Variants in DHX32 observed in about 807,000 individuals in gnomAD.
DHX32 encodes the protein DEAH-box helicase 32 (putative).
Under a neutral mutation model 70.0 loss-of-function variants are expected in DHX32, and 51 were observed. The ratio of observed to expected loss-of-function variants is 0.73; its 90% CI spans 0.58 to 0.92. The LOEUF is 0.92. Among genes scored for constraint, DHX32 ranks in the 40% least tolerant of loss-of-function variants. The pLI is 0.00. For missense variants in DHX32, 762 were observed against 891.8 expected (o/e 0.85, Z 1.85); for synonymous variants, 310 against 315.3 (o/e 0.98, Z 0.18).
intron 1 of DHX32, among the ~76,000 whole-genome samples, chr10:125,891,802 C>T (rs1944372713): frequency 6.6e-6 from 1 of 152,290 alleles, no homozygotes; most frequent in South Asian, 2.1e-4. Context: ...ATTTTCAGCT[C>T]CCTTTTCTGA....
rs780550387 is a variant in DHX32 at position 125,838,205 on chromosome 10, C to T, written c.2063+1G>A. 1.3e-6 allele frequency: 2 copies of T among 1,571,770 alleles called. No individual in the cohort carries two copies. The highest frequency in any genetic ancestry group is 2.1e-5 in the Admixed American group (1 of 48,578). On this transcript the variant is annotated splice_donor_variant, in intron 10 of 10. Transcript: ENST00000284690. LOFTEE classifies it high-confidence loss of function. The stretch of plus-strand genomic sequence containing the variant: ...AACCCTTTCTTCTCCATTAAACTTA[C>T]AGTTCAGGAGAGATTTCTGAGGTAA...
intron 6 of DHX32, 60 bp downstream of exon 6, chr10:125,852,233 A>G: frequency 6.3e-7 from 1 of 1,586,060 alleles, no homozygotes; most frequent in Non-Finnish European, 8.6e-7. Flanking sequence ...AGGACAGAGA[A>G]TGGGCAGGAG....
At chr10:125,870,721 C>T (rs767042111) in intron 1 of DHX32, among the ~76,000 whole-genome samples, 9 of 152,016 alleles carry the variant, frequency 5.9e-5, no homozygotes, top group Non-Finnish European at 1.2e-4. Context: ...CCTGTAATCC[C>T]AGCTACTCGG....
At chr10:125,840,256 G>C (rs1367097501) in intron 8 of DHX32, among the ~76,000 whole-genome samples, 2 of 152,214 alleles carry the variant, frequency 1.3e-5, no homozygotes, top group Non-Finnish European at 1.5e-5. Context: ...TCCTGTGACA[G>C]GTAAGCTACC....
chr10:125,859,720 C>A lies in DHX32; in HGVS notation c.732G>T (p.Glu244Asp). The change falls in exon 3 of 11, where the codon GAG becomes GAT. Residue 244 changes from glutamate to aspartate, a missense_variant. This residue lies in a region of DHX32 where 394 missense variants were observed against 473.1 expected (regional missense o/e 0.83). Transcript: ENST00000284690. ...TTTGAGCCTCACTAAGGTACACAAC[C>A]TCCACAGGGTGTTTATTTTTCACTT... ...VIEVKNKHPV[E>D]VVYLSEAQKD... is the part of the protein sequence containing the mutation. The A allele has an allele frequency of 5.6e-6, 9 of 1,614,100 alleles. No individual in the cohort carries two copies. Among genetic ancestry groups the A allele is most frequent in the Non-Finnish European group, 7.6e-6 (9 of 1,180,008 alleles).
At chr10:125,861,272 C>T (rs1305776143) in intron 2 of DHX32, among the ~76,000 whole-genome samples, 1 of 151,354 alleles carries the variant, frequency 6.6e-6, no homozygotes, top group Non-Finnish European at 1.5e-5. Flanking sequence ...CCGAGGCAGG[C>T]GGATCACAAG....
chr10:125,852,365 T>C lies in DHX32; in HGVS notation c.1279A>G (p.Thr427Ala). 1 of 1,614,200 alleles carries C rather than the reference T, an allele frequency of 6.2e-7. No individual in the cohort carries two copies. Among genetic ancestry groups the C allele is most frequent in the Non-Finnish European group, 8.5e-7 (1 of 1,180,024 alleles). ...KPAEMQEANL[T>A]SMVLFMKRID... ...CTCTTCATAAAAAGCACCATGCTTG[T>C]TAGGTTGGCTTCCTGCATTTCTGCT... Residue 427 changes from threonine to alanine, a missense_variant, in exon 6 of 11, where the codon ACA (threonine) becomes GCA (alanine). Transcript: ENST00000284690.
At chr10:125,892,576 C>CT (rs1944377782) in intron 1 of DHX32, among the ~76,000 whole-genome samples, 1 of 146,534 alleles carries the variant, frequency 6.8e-6, no homozygotes, top group Admixed American at 6.7e-5. Context: ...TTCTCCCGGC[C>CT]TTCGTGCCTC....
At chr10:125,888,690 A>G (rs533674789) in intron 1 of DHX32, among the ~76,000 whole-genome samples, 50 of 152,410 alleles carry the variant, frequency 3.3e-4, no homozygotes, top group African/African-American at 1.2e-3. Context: ...ATCTCCTAGA[A>G]TATTCAAACA....
intron 2 of DHX32, among the ~76,000 whole-genome samples, chr10:125,865,806 G>A (rs150213739): frequency 3.3e-5 from 5 of 152,250 alleles, no homozygotes; most frequent in African/African-American, 9.6e-5. Context: ...TGGGATTATG[G>A]GCATTAGCCA....
intron 9 of DHX32, among the ~76,000 whole-genome samples, chr10:125,838,719 C>G (rs757733764): frequency 9.2e-5 from 14 of 152,272 alleles, no homozygotes; most frequent in South Asian, 2.1e-4. Flanking sequence ...GTGCTTTACA[C>G]TTGGTGTGTA....
In DHX32 at chr10:125,840,886, T is replaced by C. The variant is rs1334911508; in HGVS notation, c.1654A>G (p.Lys552Glu). 1.2e-6 allele frequency: 2 copies of C among 1,607,778 alleles called. No homozygotes were observed. Among genetic ancestry groups the C allele is most frequent in the Non-Finnish European group, 1.7e-6 (2 of 1,175,468 alleles). ...TTCAGAGTTGTGTCTTGGTAAGCCT[T>C]GTAAATGCTGATGAGGGTAAAGTGA... ...GDHFTLISIY[K>E]AYQDTTLNSS... The change falls in exon 8 of 11, where the codon AAG (lysine) becomes GAG (glutamate). Residue 552 changes from lysine (K) to glutamate (E), a missense_variant. Transcript: ENST00000284690.
intron 1 of DHX32, among the ~76,000 whole-genome samples, chr10:125,875,175 T>C (rs1376900904): frequency 6.6e-6 from 1 of 152,040 alleles, no homozygotes; most frequent in African/African-American, 2.4e-5. Context: ...GCCGTGATCA[T>C]GCCACTGCAC....
At chr10:125,842,138 A>C (rs937859453) in intron 6 of DHX32, 17 of 687,944 alleles carry the variant, frequency 2.5e-5, no homozygotes, top group Non-Finnish European at 3.3e-5. Context: ...GTGATTGTCC[A>C]GCTCATGCTC....
At chr10:125,874,047 CTCTT>C (rs1258384456) in intron 1 of DHX32, among the ~76,000 whole-genome samples, 3 of 152,306 alleles carry the variant, frequency 2.0e-5, no homozygotes, top group Non-Finnish European at 4.4e-5. Flanking sequence ...GTTTTTCTCT[CTCTT>C]TTAGGATCGT....
At chr10:125,865,298 C>A (rs1944214101) in intron 2 of DHX32, among the ~76,000 whole-genome samples, 2 of 152,060 alleles carry the variant, frequency 1.3e-5, no homozygotes, top group Non-Finnish European at 2.9e-5. Context: ...TCTTTTGTAC[C>A]ACTCACGTAC....
chr10:125,847,957 G>A (rs561483790), intron 6 of DHX32, among the ~76,000 whole-genome samples: 2 of 152,288 alleles, frequency 1.3e-5, no homozygotes, highest in South Asian at 2.1e-4. Flanking sequence ...CCTGCTGTCC[G>A]GCCCAGTTCC....
chr10:125,893,142 G>C (rs1203736069), intron 1 of DHX32, among the ~76,000 whole-genome samples: 1 of 152,268 alleles, frequency 6.6e-6, no homozygotes, highest in Non-Finnish European at 1.5e-5. Context: ...CCCAGTAGGA[G>C]AGCGAAGTGC....
intron 1 of DHX32, among the ~76,000 whole-genome samples, chr10:125,890,208 T>C (rs1179050275): frequency 1.3e-5 from 2 of 152,422 alleles, no homozygotes; most frequent in Admixed American, 1.3e-4. Flanking sequence ...TAAATCTTTT[T>C]TATAGATTTG....
Sources: allele counts gnomAD v4.1 joint callset (sites outside exome capture counted in the v4.1 genomes callset), GRCh38; gene constraint gnomAD v4.1.1; regional missense constraint gnomAD v4.1.1; transcripts MANE v1.5; gene names NCBI Gene and HGNC (gene_info 2026-07-23, HGNC 2026-07-21).